C10orf53: variants seen among roughly 807,000 people sequenced by gnomAD.
C10orf53 encodes UPF0728 protein C10orf53.
Under a neutral mutation model 9.4 loss-of-function variants are expected in C10orf53, and 8 were observed. The observed-to-expected ratio is 0.85, with a 90% CI of 0.50 to 1.53. C10orf53 has a LOEUF of 1.53. Among genes scored for constraint, C10orf53 ranks in the 40% most tolerant of loss-of-function variants. The probability of loss-of-function intolerance (pLI) is 0.00; values close to 1 mark genes in which losing one functional copy is unlikely to be tolerated. For missense variants in C10orf53, 117 were observed against 117.8 expected (o/e 0.99, Z 0.03); for synonymous variants, 48 against 46.0 (o/e 1.04, Z -0.18).
rs781221638 is a variant in C10orf53 at position 49,693,789 on chromosome 10, A to G, written c.113A>G (p.Asp38Gly). The change falls in exon 2 of 3, where the codon GAT becomes GGT. Residue 38 changes from aspartate to glycine, a missense_variant. By Grantham distance (94) the Asp-to-Gly change is moderately conservative. Transcript: ENST00000374111. Reference protein sequence around the residue: ...LQGLQAVLAIDGHEVILEKIE... With the variant: ...LQGLQAVLAIGGHEVILEKIE... ...TCCTTCCCAGCTGTGTTGGCCATAG[A>G]TGGACATGAGGTCATCCTAGAGAAG... 2.5e-6 allele frequency: 4 copies of G among 1,613,750 alleles called. No homozygotes were observed. The East Asian group carries it at 8.9e-5, about 36-fold the overall frequency.
intron 1 of C10orf53, among the ~76,000 whole-genome samples, chr10:49,692,163 A>G (rs3910566): frequency 0.59 from 89,779 of 152,098 alleles, 27,294 homozygotes; most frequent in African/African-American, 0.72. Flanking sequence ...GTGGGTCCAA[A>G]CTGAGTGCCT....
At chr10:49,694,138 A>G in intron 2 of C10orf53, 1 of 606,828 alleles carries the variant, frequency 1.6e-6, no homozygotes, top group Non-Finnish European at 2.9e-6. Context: ...AATGAAGTGA[A>G]GCCCTGGACT....
chr10:49,686,460 C>T (rs987889938), intron 1 of C10orf53, among the ~76,000 whole-genome samples: 6 of 152,142 alleles, frequency 3.9e-5, no homozygotes, highest in African/African-American at 1.4e-4. Context: ...GGTCTGCCTG[C>T]GGGGTCGGGC....
chr10:49,681,588 G>A (rs78320293), intron 1 of C10orf53, among the ~76,000 whole-genome samples: 1 of 152,156 alleles, frequency 6.6e-6, no homozygotes, highest in Non-Finnish European at 1.5e-5. Context: ...CATAGACTAT[G>A]GGACTTAAAC....
At chr10:49,700,115 C>T (rs1051925795), downstream of C10orf53, among the ~76,000 whole-genome samples, 1 of 152,218 alleles carries the variant, frequency 6.6e-6, no homozygotes, top group East Asian at 1.9e-4. Flanking sequence ...CCAAACTGCA[C>T]CACCGATGTC....
At chr10:49,693,691 ACT>A (rs1840606470) in intron 1 of C10orf53, 81 bp from the exon 2 acceptor site, 1 of 1,466,688 alleles carries the variant, frequency 6.8e-7, no homozygotes, top group African/African-American at 1.4e-5. Context: ...CAGACAAGCT[ACT>A]GTCATCATGA....
In C10orf53 at chr10:49,694,655, A is replaced by C; in HGVS notation, c.*53A>C. On this transcript the variant is annotated 3_prime_UTR_variant, in exon 3 of 3. Transcript: ENST00000374111. ...CGGCACAACAGCAGCTGCCCCAGCCATTCTATGATGCAGGCAGAAGTGGCT... is the reference window on the plus strand; with the variant it reads ...CGGCACAACAGCAGCTGCCCCAGCCCTTCTATGATGCAGGCAGAAGTGGCT... 1 of 1,613,378 alleles carries C rather than the reference A, an allele frequency of 6.2e-7. No homozygotes were observed. The highest frequency in any genetic ancestry group is 8.5e-7 in the Non-Finnish European group (1 of 1,179,682).
exon 3 of C10orf53, chr10:49,708,459 C>G: frequency 6.2e-7 from 1 of 1,614,178 alleles, no homozygotes; most frequent in Non-Finnish European, 8.5e-7. Context: ...TTCTCCTTTG[C>G]AACAGTTCCC....
downstream of C10orf53, among the ~76,000 whole-genome samples, chr10:49,702,490 T>C (rs1840691679): frequency 6.6e-6 from 1 of 152,004 alleles, no homozygotes; most frequent in African/African-American, 2.4e-5. Flanking sequence ...GAGTGAAAGG[T>C]GGGATTTGGA....
At chr10:49,705,989 C>T (rs1018068642) in intron 2 of C10orf53, among the ~76,000 whole-genome samples, 6 of 152,236 alleles carry the variant, frequency 3.9e-5, no homozygotes, top group East Asian at 3.9e-4. Flanking sequence ...ATACAAATTA[C>T]GACAAGCACA....
At chr10:49,706,408 G>C (rs760012232) in intron 2 of C10orf53, among the ~76,000 whole-genome samples, 3 of 152,130 alleles carry the variant, frequency 2.0e-5, no homozygotes, top group Non-Finnish European at 2.9e-5. Flanking sequence ...ACCATAAAAA[G>C]GAATGAAGTT....
In C10orf53 at chr10:49,694,684, C is replaced by T; in HGVS notation, c.*82C>T. The T allele has an allele frequency of 6.2e-7, 1 of 1,605,566 alleles. No individual in the cohort carries two copies. On this transcript the variant is annotated 3_prime_UTR_variant, in exon 3 of 3. Transcript: ENST00000374111. ...TATGATGCAGGCAGAAGTGGCTGTG[C>T]CACGGTGTGGACACTGGGCTCTGCT...
chr10:49,709,129 T>C (rs1291461470), exon 3 of C10orf53: 1 of 162,792 alleles, frequency 6.1e-6, no homozygotes, highest in Non-Finnish European at 1.3e-5. Context: ...TCATGTTATA[T>C]TTGGGGACCT....
chr10:49,685,054 C>T (rs1840514481), intron 1 of C10orf53, among the ~76,000 whole-genome samples: 1 of 152,180 alleles, frequency 6.6e-6, no homozygotes, highest in African/African-American at 2.4e-5. Context: ...AACTCTACCT[C>T]TGTCTGTAGC....
chr10:49,687,113 G>T (rs1311389310), intron 1 of C10orf53, among the ~76,000 whole-genome samples: 1 of 152,178 alleles, frequency 6.6e-6, no homozygotes, highest in Admixed American at 6.5e-5. Context: ...TGACAATGTT[G>T]GTTCTGACTG....
chr10:49,705,656 G>T (rs1714482683), intron 2 of C10orf53, among the ~76,000 whole-genome samples: 1 of 151,800 alleles, frequency 6.6e-6, no homozygotes, highest in Non-Finnish European at 1.5e-5. Flanking sequence ...ATATGTAAGA[G>T]CCAAAATTAT....
At chr10:49,687,448 T>C (rs549848915) in intron 1 of C10orf53, among the ~76,000 whole-genome samples, 4 of 152,312 alleles carry the variant, frequency 2.6e-5, no homozygotes, top group African/African-American at 9.6e-5. Flanking sequence ...GGAGATGGCA[T>C]GAGCAGAGGA....
downstream of C10orf53, among the ~76,000 whole-genome samples, chr10:49,702,248 G>A (rs569703543): frequency 2.7e-5 from 4 of 147,916 alleles, no homozygotes; most frequent in East Asian, 6.4e-4. Context: ...AGGGAGGGAG[G>A]GAGGGAGGGA....
chr10:49,679,974 C>T (rs1482560776), intron 1 of C10orf53, among the ~76,000 whole-genome samples, 180 bp downstream of exon 1: 1 of 152,208 alleles, frequency 6.6e-6, no homozygotes, highest in Non-Finnish European at 1.5e-5. Context: ...TGGGAAGGCT[C>T]TTCTATCCAA....
Sources: gnomAD v4.1 joint callset for allele counts (sites outside exome capture counted in the v4.1 genomes callset) on GRCh38, gnomAD v4.1.1 for gene constraint, MANE v1.5 for transcripts, NCBI Gene and HGNC (gene_info 2026-07-23, HGNC 2026-07-21) for gene names.